SMC5: variants seen among roughly 807,000 people sequenced by gnomAD.
SMC5 encodes the protein structural maintenance of chromosomes 5.
In SMC5, 88 loss-of-function variants were observed where a neutral mutation model predicts 148.3. That is an observed-to-expected ratio of 0.59 (90% CI 0.50 to 0.71). The LOEUF (loss-of-function observed/expected upper bound fraction) is 0.71, where lower values mean the gene tolerates loss of function less well. Among genes scored for constraint, SMC5 ranks in the 30% least tolerant of loss-of-function variants. The pLI is 0.00. For missense variants in SMC5, 1,142 were observed against 1,298.9 expected (o/e 0.88, Z 1.86); for synonymous variants, 421 against 432.8 (o/e 0.97, Z 0.34).
intron 3 of SMC5, among the ~76,000 whole-genome samples, chr9:70,271,261 TAAA>T (rs34800886): frequency 9.8e-5 from 15 of 152,310 alleles, no homozygotes; most frequent in African/African-American, 2.9e-4. Flanking sequence ...TATATAACTT[TAAA>T]AAAGTTAATT....
chr9:70,346,547 C>T (rs1360127939), intron 18 of SMC5, 58 bp from the exon 19 acceptor site: 5 of 1,565,038 alleles, frequency 3.2e-6, no homozygotes, highest in Non-Finnish European at 3.5e-6. Context: ...GTATAAAGTT[C>T]TAACTTCTTG....
chr9:70,318,456 G>T, intron 13 of SMC5, 58 bp from the exon 14 acceptor site: 1 of 1,275,432 alleles, frequency 7.8e-7, no homozygotes, highest in Non-Finnish European at 1.0e-6. Context: ...TTCTAATTTA[G>T]TACTTTAAAA....
chr9:70,318,758 T>G (rs779637231), intron 14 of SMC5, 36 bp from the exon 15 acceptor site: 1 of 1,552,264 alleles, frequency 6.4e-7, no homozygotes. Context: ...TGGAACAGTT[T>G]TTTAAATATG....
chr9:70,269,207 A>C (rs1359616535), intron 3 of SMC5, among the ~76,000 whole-genome samples: 1 of 152,188 alleles, frequency 6.6e-6, no homozygotes, highest in Non-Finnish European at 1.5e-5. Context: ...ATATGATAGA[A>C]TTTTGTTGAA....
intron 15 of SMC5, among the ~76,000 whole-genome samples, chr9:70,321,528 G>A (rs1397199780): frequency 6.6e-6 from 1 of 151,832 alleles, no homozygotes; most frequent in African/African-American, 2.4e-5. Flanking sequence ...GAGTGGCTGG[G>A]ACCACAGGTG....
In SMC5 at chr9:70,302,141, G is replaced by A. The variant is rs555512765; in HGVS notation, c.1464+1941G>A. On this transcript the variant is annotated intron_variant, in intron 10 of 24. Coordinates refer to ENST00000361138, the MANE Select transcript of SMC5 (RefSeq NM_015110.4). The stretch of plus-strand genomic sequence containing the variant: ...TAATCCAGCATTTTGGGAGGCCGAG[G>A]TAGGCAGATCAGCTAACATCAAGAG... 5.9e-5 allele frequency among the ~76,000 whole-genome samples: 9 copies of A among 152,320 alleles called. No individual in the cohort carries two copies. The South Asian group carries it at 8.3e-4, about 14-fold the overall frequency.
At chr9:70,293,857 A>C (rs1300859122) in intron 8 of SMC5, among the ~76,000 whole-genome samples, 1 of 152,134 alleles carries the variant, frequency 6.6e-6, no homozygotes, top group Non-Finnish European at 1.5e-5. Context: ...GTGTGCGTTC[A>C]GTTTTTTAAG....
chr9:70,330,756 C>G (rs1293091160), intron 17 of SMC5, among the ~76,000 whole-genome samples: 4 of 151,812 alleles, frequency 2.6e-5, no homozygotes, highest in Non-Finnish European at 4.4e-5. Context: ...GTTGGCCAGG[C>G]TGGTCTCAAA....
At chr9:70,284,423 G>GA (rs1157654528) in intron 7 of SMC5, among the ~76,000 whole-genome samples, 1 of 152,198 alleles carries the variant, frequency 6.6e-6, no homozygotes, top group Non-Finnish European at 1.5e-5. Context: ...TCAAGGATAT[G>GA]AAACTAATAA....
intron 6 of SMC5, 82 bp downstream of exon 6, chr9:70,280,981 T>A (rs1301681255): frequency 6.8e-7 from 1 of 1,480,958 alleles, no homozygotes; most frequent in African/African-American, 1.4e-5. Flanking sequence ...TTACTGTGTA[T>A]TCAAGTTAGG....
chr9:70,277,517 T>G, intron 4 of SMC5, 45 bp downstream of exon 4: 1 of 1,492,614 alleles, frequency 6.7e-7, no homozygotes. Flanking sequence ...TTGTATATAG[T>G]GTTTCCTTTT....
At chr9:70,261,062 G>C (rs2034113556) in intron 1 of SMC5, among the ~76,000 whole-genome samples, 1 of 152,192 alleles carries the variant, frequency 6.6e-6, no homozygotes, top group South Asian at 2.1e-4. Flanking sequence ...AGTCTTGCAA[G>C]AAGTGAAGAG....
At chr9:70,326,774 C>G (rs1210224906) in intron 17 of SMC5, among the ~76,000 whole-genome samples, 2 of 151,602 alleles carry the variant, frequency 1.3e-5, no homozygotes, top group South Asian at 2.1e-4. Flanking sequence ...ACAAATGCAT[C>G]TAACTTTGTT....
In SMC5 at chr9:70,298,388, G is replaced by A. The variant is rs963766716; in HGVS notation, c.1309+167G>A. ...CATACCTTAATTATCTATATCTGTC[G>A]TGTACTGTAATTTGCCATTATAGCT... On this transcript the variant is annotated intron_variant, in intron 9 of 24. Coordinates refer to ENST00000361138, the MANE Select transcript of SMC5 (RefSeq NM_015110.4). 7.9e-5 allele frequency among the ~76,000 whole-genome samples: 12 copies of A among 152,100 alleles called. No homozygotes were observed. In the South Asian group the frequency reaches 1.7e-3, roughly 21 times the overall value.
intron 18 of SMC5, 112 bp downstream of exon 18, chr9:70,344,381 G>C: frequency 1.4e-6 from 1 of 729,030 alleles, no homozygotes; most frequent in Non-Finnish European, 1.9e-6. Flanking sequence ...GTAAAAAATA[G>C]GGAGTTTTTC....
chr9:70,279,513 T>G lies in SMC5; in HGVS notation c.678+888T>G, dbSNP rs147125840. Among the ~76,000 whole-genome samples, 599 of 151,630 alleles carry G rather than the reference T, an allele frequency of 4.0e-3. 3 individuals carry two copies. Among genetic ancestry groups the G allele is most frequent in the African/African-American group, 0.013 (554 of 41,302 alleles). Reference sequence around the variant, plus strand: ...CAGCCTGGGTGACAGAGCGAGACCCTGTGTCAAAAAAATGGAAATCTGGCT... The same window carrying G: ...CAGCCTGGGTGACAGAGCGAGACCCGGTGTCAAAAAAATGGAAATCTGGCT... On this transcript the variant is annotated intron_variant, in intron 5 of 24. Transcript: ENST00000361138.
chr9:70,263,150 G>A (rs894478697), intron 1 of SMC5, among the ~76,000 whole-genome samples: 3 of 152,164 alleles, frequency 2.0e-5, no homozygotes, highest in African/African-American at 7.2e-5. Flanking sequence ...TTCATGTGTT[G>A]AGCGTAAGAA....
intron 1 of SMC5, among the ~76,000 whole-genome samples, chr9:70,263,202 A>G (rs1215533467): frequency 2.6e-5 from 4 of 152,174 alleles, no homozygotes; most frequent in Non-Finnish European, 5.9e-5. Flanking sequence ...AAGTTCCCAA[A>G]CTAGTTTTAT....
intron 11 of SMC5, among the ~76,000 whole-genome samples, chr9:70,313,395 T>C (rs1001246479): frequency 6.6e-6 from 1 of 152,240 alleles, no homozygotes; most frequent in South Asian, 2.1e-4. Flanking sequence ...TTGCTAATTC[T>C]AACATCTAGG....
Sources: gnomAD v4.1 joint callset for allele counts (sites outside exome capture counted in the v4.1 genomes callset) on GRCh38, gnomAD v4.1.1 for gene constraint, MANE v1.5 for transcripts, NCBI Gene and HGNC (gene_info 2026-07-23, HGNC 2026-07-21) for gene names.